LDHAL6A: variants seen among roughly 807,000 people sequenced by gnomAD.
The protein encoded by LDHAL6A is L-lactate dehydrogenase A-like 6A.
In LDHAL6A, 19 loss-of-function variants were observed where a neutral mutation model predicts 28.2. That is an observed-to-expected ratio of 0.67 (90% CI 0.47 to 0.99). LDHAL6A has a LOEUF of 0.99. LDHAL6A is among the 50% of genes least tolerant of loss of function. LDHAL6A has a pLI of 0.00. For synonymous variants in LDHAL6A, 144 were observed against 134.4 expected (o/e 1.07, Z -0.49); for missense variants, 372 against 398.6 (o/e 0.93, Z 0.57).
At chr11:18,462,653 AACAAAAAAAAAAAC>A (rs1181845347) in intron 1 of LDHAL6A, among the ~76,000 whole-genome samples, 1 of 62,156 alleles carries the variant, frequency 1.6e-5, no homozygotes, top group African/African-American at 8.3e-5. Context: ...CAAACAAACA[AACAAAAAAAAAAAC>A]AAAAAAAACC....
intron 2 of LDHAL6A, among the ~76,000 whole-genome samples, chr11:18,465,001 T>TTTTTG (rs1849025165): frequency 1.4e-5 from 2 of 144,514 alleles, no homozygotes; most frequent in African/African-American, 5.4e-5. Flanking sequence ...TGTTTTGTTT[T>TTTTTG]GGTTTGTTTT....
At chr11:18,477,591 CTTATGT>C (rs1849418896) in intron 5 of LDHAL6A, 23 bp from the exon 6 acceptor site, 5 of 1,570,368 alleles carry the variant, frequency 3.2e-6, no homozygotes, top group African/African-American at 1.4e-5. Flanking sequence ...TGCATCTTAA[CTTATGT>C]TTATGGTTTC....
rs1590264875 is a variant in LDHAL6A, at chr11:18,478,821, A to G, written c.950A>G (p.Gln317Arg). Residue 317 changes from glutamine to arginine, a missense_variant, in exon 7 of 7, where the codon CAA becomes CGA. By Grantham distance (43) the Gln-to-Arg change is conservative (BLOSUM62 1). This residue lies in a region of LDHAL6A where 291 missense variants were observed against 302.9 expected (regional missense o/e 0.96). Coordinates refer to ENST00000280706, the MANE Select transcript of LDHAL6A (RefSeq NM_144972.5). ...KLTLEEEACL[Q>R]KSAETLWEIQ... is the part of the protein sequence containing the mutation. ...ACTCTTGAAGAGGAGGCCTGCTTGC[A>G]AAAGAGTGCAGAAACACTTTGGGAA... 1 of 1,613,986 alleles carries G rather than the reference A, an allele frequency of 6.2e-7. No homozygotes were observed. The highest frequency in any genetic ancestry group is 8.5e-7 in the Non-Finnish European group (1 of 1,179,988).
intron 3 of LDHAL6A, among the ~76,000 whole-genome samples, chr11:18,468,011 A>ATG (rs1203866127): frequency 1.4e-5 from 1 of 72,718 alleles, no homozygotes; most frequent in African/African-American, 5.5e-5. Flanking sequence ...ACGTATATAT[A>ATG]TACATATATA....
At position 18,477,794 on chromosome 11, in the gene LDHAL6A, TAAAGAACATTTTTGAGGC is replaced by T. The variant is rs748547153; in HGVS notation, c.834+53_834+70del. On this transcript the variant is annotated intron_variant, in intron 6 of 6. Coordinates refer to ENST00000280706, the MANE Select transcript of LDHAL6A (RefSeq NM_144972.5). The stretch of plus-strand genomic sequence containing the variant: ...ATTAACTCAACATAAAATAGGGGGG[TAAAGAACATTTTTGAGGC>T]ACTCTGGTTTTGGGTTTGATCTCGT... 5 of 1,535,172 alleles carry T rather than the reference TAAAGAACATTTTTGAGGC, an allele frequency of 3.3e-6. 1 individual carries two copies. The Admixed American group carries it at 6.2e-5, about 19-fold the overall frequency.
At chr11:18,466,478 C>T (rs1219867713) in intron 3 of LDHAL6A, among the ~76,000 whole-genome samples, 1 of 151,810 alleles carries the variant, frequency 6.6e-6, no homozygotes, top group Non-Finnish European at 1.5e-5. Context: ...CATGACAGAA[C>T]TCCATCTCTA....
Position 18,464,004 on chromosome 11 carries a change from A to G in LDHAL6A, c.170A>G (p.Lys57Arg), listed in dbSNP as rs1474869669. 1 of 1,613,954 alleles carries G rather than the reference A, an allele frequency of 6.2e-7. No homozygotes were observed. Among genetic ancestry groups the G allele is most frequent in the Admixed American group, 1.7e-5 (1 of 60,002 alleles). The change falls in exon 2 of 7, where the codon AAA becomes AGA. Residue 57 changes from lysine (K) to arginine (R), a missense_variant. Transcript: ENST00000280706. ...GTCCTTGTGGATGTTGATGAAGGCAAACTGAAGGGTGAGACAATGGATCTT... is the reference window on the plus strand; with the variant it reads ...GTCCTTGTGGATGTTGATGAAGGCAGACTGAAGGGTGAGACAATGGATCTT... The part of the protein sequence containing the change: ...ELVLVDVDEG[K>R]LKGETMDLQH...
chr11:18,477,495 GTAAT>G (rs1349933409), intron 5 of LDHAL6A, 121 bp from the exon 6 acceptor site: 1 of 824,596 alleles, frequency 1.2e-6, no homozygotes, highest in Non-Finnish European at 1.8e-6. Flanking sequence ...CATACTACAA[GTAAT>G]TTCTAGAAGT....
intron 3 of LDHAL6A, among the ~76,000 whole-genome samples, chr11:18,471,430 G>A (rs1326655826): frequency 6.6e-6 from 1 of 151,308 alleles, no homozygotes; most frequent in Admixed American, 6.6e-5. Flanking sequence ...GGCTGGTCTT[G>A]AACTCCTGGC....
At chr11:18,462,222 C>T (rs879876629) in intron 1 of LDHAL6A, among the ~76,000 whole-genome samples, 9 of 151,776 alleles carry the variant, frequency 5.9e-5, no homozygotes, top group Admixed American at 5.3e-4. Flanking sequence ...CAAGGCCGGG[C>T]GCGGATTAAG....
At position 18,476,489 on chromosome 11, in the gene LDHAL6A, A is replaced by G. The variant is rs200453586; in HGVS notation, c.698A>G (p.Lys233Arg). The G allele has an allele frequency of 5.0e-6, 8 of 1,613,820 alleles. No individual in the cohort carries two copies. Among genetic ancestry groups the G allele is most frequent in the Non-Finnish European group, 6.8e-6 (8 of 1,179,886 alleles). ...DPEQWENVHK[K>R]VISSGYEMVK... ...GAGCAGTGGGAAAATGTCCACAAAA[A>G]AGTGATTTCCAGGTAATATGCTAGT... is the stretch of plus-strand genomic sequence containing the variant. The change falls in exon 5 of 7, where the codon AAA (lysine) becomes AGA (arginine). Residue 233 changes from lysine (K) to arginine (R), a missense_variant. Physicochemically the swap from Lys to Arg is conservative, Grantham distance 26. This residue lies in a region of LDHAL6A where 291 missense variants were observed against 302.9 expected (regional missense o/e 0.96). Transcript: ENST00000280706.
intron 3 of LDHAL6A, among the ~76,000 whole-genome samples, chr11:18,466,367 G>T (rs1459445603): frequency 6.6e-6 from 1 of 152,008 alleles, no homozygotes; most frequent in Non-Finnish European, 1.5e-5. Context: ...AAATACTAGT[G>T]TGAGGCCAGA....
chr11:18,459,896 T>C (rs767054479), intron 1 of LDHAL6A, among the ~76,000 whole-genome samples: 4 of 128,472 alleles, frequency 3.1e-5, no homozygotes, highest in Non-Finnish European at 4.9e-5. Context: ...TGGAATTTGG[T>C]GGGGTTTTTT....
chr11:18,478,653 C>T, intron 6 of LDHAL6A, 53 bp from the exon 7 acceptor site: 3 of 1,394,748 alleles, frequency 2.2e-6, no homozygotes, highest in Non-Finnish European at 3.0e-6. Flanking sequence ...TGTTGTTTCT[C>T]ATATTGCAGA....
rs1849465406 is a variant in LDHAL6A at position 18,478,922 on chromosome 11, T to TTG, written c.*54_*55dup. 7.0e-7 allele frequency: 1 copy of TTG among 1,419,152 alleles called. No individual in the cohort carries two copies. The highest frequency in any genetic ancestry group is 2.0e-5 in the Admixed American group (1 of 49,140). 87.9% of individuals were successfully genotyped at this position (1,419,152 alleles called of 1,614,324 possible). On this transcript the variant is annotated 3_prime_UTR_variant, in exon 7 of 7. Transcript: ENST00000280706. ...TGAAGATGAAATAGTAGTTATGGAA[T>TTG]TGTATATGTCAAACTTTTGAATAAA...
At chr11:18,462,620 G>C (rs1848948572) in intron 1 of LDHAL6A, among the ~76,000 whole-genome samples, 1 of 137,658 alleles carries the variant, frequency 7.3e-6, no homozygotes, top group Non-Finnish European at 1.5e-5. Context: ...CTGGGCAACA[G>C]AGCAAGACTC....
rs116135536 is a variant in LDHAL6A at position 18,458,846 on chromosome 11, T to C, written c.126+2040T>C. On this transcript the variant is annotated intron_variant, in intron 1 of 6. Transcript: ENST00000280706. ...GCCTCCTGTAATTGATATTTAGTAG[T>C]TGGATGAAAGAATTGCTAAAAGATG... 3.0e-3 allele frequency among the ~76,000 whole-genome samples: 452 copies of C among 152,280 alleles called. 2 individuals carry two copies. The highest frequency in any genetic ancestry group is 0.01 in the African/African-American group (436 of 41,558).
intron 2 of LDHAL6A, among the ~76,000 whole-genome samples, chr11:18,464,891 TA>T (rs1411726126): frequency 5.3e-5 from 8 of 152,086 alleles, no homozygotes; most frequent in Admixed American, 5.2e-4. Context: ...CATCTATCTC[TA>T]AATATTCTTG....
At chr11:18,460,594 C>CAA (rs34780803) in intron 1 of LDHAL6A, among the ~76,000 whole-genome samples, 11,623 of 90,110 alleles carry the variant, frequency 0.13, 791 homozygotes, top group African/African-American at 0.2. Flanking sequence ...AACTCCGTCT[C>CAA]AAAAAAAAAA....
Sources: allele counts gnomAD v4.1 joint callset (sites outside exome capture counted in the v4.1 genomes callset), GRCh38; gene constraint gnomAD v4.1.1; regional missense constraint gnomAD v4.1.1; transcripts MANE v1.5; gene names NCBI Gene and HGNC (gene_info 2026-07-23, HGNC 2026-07-21).